The following LRRC27 variants were observed in gnomAD, a reference collection of about 807,000 sequenced individuals.
LRRC27 encodes the protein leucine rich repeat containing 27, also known as leucine-rich repeat-containing protein 27.
Under a neutral mutation model 55.0 loss-of-function variants are expected in LRRC27, and 57 were observed. That is an observed-to-expected ratio of 1.04 (90% confidence interval 0.84 to 1.29). The LOEUF (loss-of-function observed/expected upper bound fraction) is 1.29. Among genes scored for constraint, LRRC27 ranks in the 50% most tolerant of loss-of-function variants. The probability of loss-of-function intolerance (pLI) is 0.00; values close to 1 mark genes in which losing one functional copy is unlikely to be tolerated. For missense variants in LRRC27, 721 were observed against 651.5 expected (o/e 1.11, Z -1.16); for synonymous variants, 278 against 251.9 (o/e 1.10, Z -0.98).
intron 9 of LRRC27, 87 bp downstream of exon 9, chr10:132,361,662 A>T: frequency 1.0e-6 from 1 of 960,600 alleles, no homozygotes; most frequent in East Asian, 2.5e-5. Flanking sequence ...ATGAGCATGC[A>T]CTGAGGAGCC....
chr10:132,349,552 C>G (rs2067904243), intron 6 of LRRC27, among the ~76,000 whole-genome samples: 1 of 152,186 alleles, frequency 6.6e-6, no homozygotes, highest in Non-Finnish European at 1.5e-5. Flanking sequence ...ATATCCTGAG[C>G]CTGCTGCTTA....
rs542610459 is a variant in LRRC27, at chr10:132,380,890, G to C, written c.*5648G>C. Among the ~76,000 whole-genome samples, 1 of 152,182 alleles carries C rather than the reference G, an allele frequency of 6.6e-6. No homozygotes were observed. Among genetic ancestry groups the C allele is most frequent in the Non-Finnish European group, 1.5e-5 (1 of 68,048 alleles). On this transcript the variant is annotated 3_prime_UTR_variant, in exon 11 of 11. Coordinates refer to ENST00000368614, the MANE Select transcript of LRRC27 (RefSeq NM_030626.3). ...CCAATTCAAGATAAATGAATCCAGC[G>C]TAAGGACCATAGTAAAAAAATAAGG... is the stretch of plus-strand genomic sequence containing the variant.
rs1328833554 is a variant in LRRC27, at chr10:132,337,032, G to C, written c.211-533G>C. 2.4e-6 allele frequency: 3 copies of C among 1,232,606 alleles called. No homozygotes were observed. The African/African-American group carries it at 4.7e-5, about 19-fold the overall frequency. 76.4% of individuals were successfully genotyped at this position (1,232,606 alleles called of 1,614,324 possible). On this transcript the variant is annotated intron_variant, in intron 2 of 10. Coordinates refer to ENST00000368614, the MANE Select transcript of LRRC27 (RefSeq NM_030626.3). ...TGATGTGTCAATCTGCTTCTGAAAT[G>C]CTGCTCGCTGAGGCTTTGTTTGCTG...
Position 132,375,233 on chromosome 10 carries a change from A to G in LRRC27, c.1584A>G (p.Arg528=). ...TKYGESGNVR[R]YQ is the part of the protein sequence containing the mutation. The stretch of plus-strand genomic sequence containing the variant: ...ATGGAGAATCAGGAAATGTTCGCAG[A>G]TACCAGTGACACCAGGTGGCTGGAC... The change falls in exon 11 of 11, where the codon AGA becomes AGG. Residue 528 remains arginine, a synonymous_variant. Coordinates refer to ENST00000368614, the MANE Select transcript of LRRC27 (RefSeq NM_030626.3). The G allele has an allele frequency of 6.2e-7, 1 of 1,612,684 alleles. No individual in the cohort carries two copies. The highest frequency in any genetic ancestry group is 1.1e-5 in the South Asian group (1 of 90,984).
chr10:132,376,266 T>C lies in LRRC27; in HGVS notation c.*1024T>C, dbSNP rs1245865117. 1 of 152,278 alleles carries C rather than the reference T, an allele frequency of 6.6e-6. No individual in the cohort carries two copies. The highest frequency in any genetic ancestry group is 1.5e-5 in the Non-Finnish European group (1 of 68,038). 9.4% of individuals were successfully genotyped at this position (152,278 alleles called of 1,614,324 possible). A position where few individuals can be genotyped will look rare whatever the true frequency, so the allele number is the denominator to read the frequency against. On this transcript the variant is annotated 3_prime_UTR_variant, in exon 11 of 11. Coordinates refer to ENST00000368614, the MANE Select transcript of LRRC27 (RefSeq NM_030626.3). Reference sequence around the variant, plus strand: ...CAGGTTTTGGCTTCACTGGATTTGCTGTTTGTCTTCTGTCTCATGGGTCTC... The same window carrying C: ...CAGGTTTTGGCTTCACTGGATTTGCCGTTTGTCTTCTGTCTCATGGGTCTC...
intron 7 of LRRC27, among the ~76,000 whole-genome samples, chr10:132,355,089 G>A (rs1310988839): frequency 6.6e-6 from 1 of 152,160 alleles, no homozygotes; most frequent in Admixed American, 6.5e-5. Flanking sequence ...GTTTTGTTTT[G>A]TTTTTTGAGA....
intron 4 of LRRC27, among the ~76,000 whole-genome samples, chr10:132,343,998 T>C (rs1332532545): frequency 1.7e-4 from 26 of 152,380 alleles, no homozygotes; most frequent in South Asian, 2.1e-4. Context: ...GTGGAGTCCT[T>C]GTATTCTATT....
intron 7 of LRRC27, chr10:132,352,782 A>G: frequency 3.0e-6 from 4 of 1,321,626 alleles, no homozygotes; most frequent in South Asian, 2.5e-5. Context: ...GGCCGGTTGC[A>G]GTGCTCGCGG....
intron 8 of LRRC27, 108 bp downstream of exon 8, chr10:132,355,994 GT>G: frequency 1.3e-6 from 1 of 753,568 alleles, no homozygotes; most frequent in Non-Finnish European, 2.2e-6. Flanking sequence ...GGGGGTGTGG[GT>G]GGGTGCTCAC....
chr10:132,366,284 T>C (rs1391419269), intron 10 of LRRC27: 2 of 152,800 alleles, frequency 1.3e-5, no homozygotes. Context: ...GCTGACACGC[T>C]CGGTGTCTAT....
At chr10:132,363,969 C>T (rs895387562) in intron 9 of LRRC27, among the ~76,000 whole-genome samples, 27 of 151,990 alleles carry the variant, frequency 1.8e-4, no homozygotes, top group Non-Finnish European at 2.4e-4. Context: ...AAAACCATTT[C>T]GTCTCAAACA....
At chr10:132,344,368 A>G (rs367984068) in intron 4 of LRRC27, 130 bp from the exon 5 acceptor site, 20 of 965,446 alleles carry the variant, frequency 2.1e-5, no homozygotes, top group Admixed American at 1.5e-4. Context: ...GACATCTGTT[A>G]ACGTGATTTT....
chr10:132,374,952 G>A lies in LRRC27; in HGVS notation c.1417-114G>A. The A allele has an allele frequency of 1.7e-6, 2 of 1,178,118 alleles. No homozygotes were observed. Among genetic ancestry groups the A allele is most frequent in the South Asian group, 3.0e-5 (2 of 66,656 alleles). 73.0% of individuals were successfully genotyped at this position (1,178,118 alleles called of 1,614,324 possible). A position where few individuals can be genotyped will look rare whatever the true frequency, so the allele number is the denominator to read the frequency against. ...CAGGGGCCCCGGGGCAGCGGGGCTG[G>A]CTCTGCTGACGCCCACATGGCCTGG... On this transcript the variant is annotated intron_variant, in intron 10 of 10. Transcript: ENST00000368614. The surrounding 1 kb of genome is among the most constrained non-coding windows in gnomAD (Gnocchi z 4.4).
chr10:132,380,868 A>G lies in LRRC27; in HGVS notation c.*5626A>G, dbSNP rs1288222922. 6.6e-6 allele frequency among the ~76,000 whole-genome samples: 1 copy of G among 152,248 alleles called. No individual in the cohort carries two copies. Among genetic ancestry groups the G allele is most frequent in the African/African-American group, 2.4e-5 (1 of 41,454 alleles). On this transcript the variant is annotated 3_prime_UTR_variant, in exon 11 of 11. Coordinates refer to ENST00000368614, the MANE Select transcript of LRRC27 (RefSeq NM_030626.3). Reference sequence around the variant, plus strand: ...GGTTTACAGCTGCGGTTGCCTACCAATTCAAGATAAATGAATCCAGCGTAA... The same window carrying G: ...GGTTTACAGCTGCGGTTGCCTACCAGTTCAAGATAAATGAATCCAGCGTAA...
At chr10:132,371,125 G>T (rs2069203041) in intron 10 of LRRC27, among the ~76,000 whole-genome samples, 2 of 152,268 alleles carry the variant, frequency 1.3e-5, no homozygotes, top group South Asian at 2.1e-4. Context: ...CATTCTCCCG[G>T]CTTCTTCCCC....
chr10:132,342,350 C>T, intron 4 of LRRC27, 79 bp downstream of exon 4: 1 of 915,882 alleles, frequency 1.1e-6, no homozygotes, highest in Non-Finnish European at 1.6e-6. Context: ...AAGTATCAGG[C>T]ATGACAAAGG....
chr10:132,374,959 T>C lies in LRRC27; in HGVS notation c.1417-107T>C. ...CCCGGGGCAGCGGGGCTGGCTCTGC[T>C]GACGCCCACATGGCCTGGGCCCCAC... On this transcript the variant is annotated intron_variant, in intron 10 of 10. Coordinates refer to ENST00000368614, the MANE Select transcript of LRRC27 (RefSeq NM_030626.3). The surrounding 1 kb of genome is among the most constrained non-coding windows in gnomAD (Gnocchi z 4.4). The C allele has an allele frequency of 1.6e-6, 2 of 1,253,234 alleles. No individual in the cohort carries two copies. The highest frequency in any genetic ancestry group is 2.9e-5 in the South Asian group (2 of 68,942). 77.6% of individuals were successfully genotyped at this position (1,253,234 alleles called of 1,614,324 possible).
chr10:132,330,581 C>T, upstream of LRRC27: 2 of 707,316 alleles, frequency 2.8e-6, no homozygotes, highest in Non-Finnish European at 5.2e-6. Flanking sequence ...AATCATAACT[C>T]ACTGCAGCCT....
At chr10:132,360,907 G>A (rs926029772) in intron 8 of LRRC27, among the ~76,000 whole-genome samples, 12 of 152,178 alleles carry the variant, frequency 7.9e-5, no homozygotes, top group South Asian at 2.1e-4. Flanking sequence ...CCTGAGGTCC[G>A]GAGGGGTCAG....
Sources: gnomAD v4.1 joint callset for allele counts (sites outside exome capture counted in the v4.1 genomes callset) on GRCh38, gnomAD v4.1.1 for gene constraint, Gnocchi (gnomAD v3.1) non-coding constraint, MANE v1.5 for transcripts, NCBI Gene and HGNC (gene_info 2026-07-23, HGNC 2026-07-21) for gene names.